The following AP1B1 variants were observed in gnomAD, a reference collection of about 807,000 sequenced individuals.
AP1B1 encodes adaptor related protein complex 1 subunit beta 1.
In AP1B1, 36 loss-of-function variants were observed where a neutral mutation model predicts 104.3. The observed-to-expected ratio is 0.35, with a 90% CI of 0.26 to 0.46. The LOEUF (loss-of-function observed/expected upper bound fraction) is 0.46, where lower values mean the gene tolerates loss of function less well. Among genes scored for constraint, AP1B1 ranks in the 20% least tolerant of loss-of-function variants. AP1B1 has a pLI of 1.00. For synonymous variants in AP1B1, 504 were observed against 517.5 expected (o/e 0.97, Z 0.35); for missense variants, 901 against 1,247.9 (o/e 0.72, Z 4.19).
At chr22:29,356,334 G>A in intron 6 of AP1B1, 92 bp downstream of exon 6, 1 of 1,315,848 alleles carries the variant, frequency 7.6e-7, no homozygotes, top group Non-Finnish European at 1.0e-6. Context: ...CTAGAAAGGG[G>A]CCCACTAAGG....
Position 29,362,992 on chromosome 22 carries a change from C to G in AP1B1, c.143+9G>C. ...GCTTCTAGCTGCCACCAGGCCTACT[C>G]CTGCACACCTGACATCTTTGCCCAC... On this transcript the variant is annotated intron_variant, in intron 3 of 22. Transcript: ENST00000357586. 2 of 1,611,796 alleles carry G rather than the reference C, an allele frequency of 1.2e-6. No individual in the cohort carries two copies. The highest frequency in any genetic ancestry group is 1.7e-6 in the Non-Finnish European group (2 of 1,177,848).
intron 1 of AP1B1, among the ~76,000 whole-genome samples, chr22:29,375,766 T>C (rs1371604830): frequency 6.6e-6 from 1 of 152,166 alleles, no homozygotes; most frequent in Non-Finnish European, 1.5e-5. Flanking sequence ...CAAAAGAATA[T>C]GATTAATCAA....
intron 1 of AP1B1, among the ~76,000 whole-genome samples, chr22:29,371,727 CAA>C (rs1003125288): frequency 7.4e-6 from 1 of 135,786 alleles, no homozygotes. Context: ...GACTCCGTCT[CAA>C]AAAAAAAAAG....
At chr22:29,332,960 T>C (rs1186993110) in intron 17 of AP1B1, among the ~76,000 whole-genome samples, 4 of 152,136 alleles carry the variant, frequency 2.6e-5, no homozygotes, top group African/African-American at 4.8e-5. Context: ...AGTGAGACAA[T>C]ACTCCCAAAG....
rs551912106 is a variant in AP1B1 at position 29,360,681 on chromosome 22, T to C, written c.144-722A>G. ...TTCAGAGAACACTGAGGTTCATAAA[T>C]GTCAAATAACCTGCCTGGAGGAATC... On this transcript the variant is annotated intron_variant, in intron 3 of 22. Transcript: ENST00000357586. 6.6e-5 allele frequency among the ~76,000 whole-genome samples: 10 copies of C among 152,314 alleles called. No homozygotes were observed. The South Asian group carries it at 1.9e-3, about 28-fold the overall frequency.
intron 1 of AP1B1, among the ~76,000 whole-genome samples, chr22:29,375,613 G>A (rs2062326871): frequency 1.3e-5 from 2 of 152,190 alleles, no homozygotes; most frequent in Admixed American, 1.3e-4. Context: ...AGACCAGACT[G>A]GGAACATAAG....
rs2061959732 is a variant in AP1B1, at chr22:29,356,456, T to C, written c.686A>G (p.Tyr229Cys). 6.2e-7 allele frequency: 1 copy of C among 1,614,058 alleles called. No individual in the cohort carries two copies. Among genetic ancestry groups the C allele is most frequent in the African/African-American group, 1.3e-5 (1 of 74,930 alleles). ...GGCCTCGCGGTCGTCCTTGGGCATA[T>C]AGTTGGCGAGGCAGTCCAGGATGAA... ...QIFILDCLAN[Y>C]MPKDDREAQS... The change falls in exon 6 of 23, where the codon TAT becomes TGT. Residue 229 changes from tyrosine to cysteine, a missense_variant. Tyr to Cys is a radical substitution (Grantham distance 194). Around this residue, in one of 3 missense-constraint regions of AP1B1, gnomAD observed 471 missense variants for 696.7 expected, o/e 0.68. Coordinates refer to ENST00000357586, the MANE Select transcript of AP1B1 (RefSeq NM_001127.4).
intron 7 of AP1B1, among the ~76,000 whole-genome samples, chr22:29,354,099 G>A (rs561229199): frequency 4.6e-5 from 7 of 152,336 alleles, no homozygotes; most frequent in African/African-American, 1.7e-4. Context: ...GGGCGGCACA[G>A]CATTTGGAGT....
At chr22:29,354,622 A>G (rs949267241) in intron 7 of AP1B1, 28 bp downstream of exon 7, 4 of 1,607,016 alleles carry the variant, frequency 2.5e-6, no homozygotes, top group East Asian at 2.2e-5. Flanking sequence ...AGGGGTACGC[A>G]TGGACGTGCG....
intron 17 of AP1B1, 34 bp downstream of exon 17, chr22:29,334,231 C>T: frequency 6.4e-7 from 1 of 1,553,170 alleles, no homozygotes; most frequent in Non-Finnish European, 8.7e-7. Flanking sequence ...CAGGCCTCCT[C>T]TTGAGAGGTG....
At chr22:29,351,561 C>T (rs775274666) in intron 8 of AP1B1, 144 bp downstream of exon 8, 99 of 1,133,598 alleles carry the variant, frequency 8.7e-5, no homozygotes, top group Admixed American at 1.1e-4. Context: ...TACTTGCTTA[C>T]GAAGCCCCAT....
intron 10 of AP1B1, 132 bp from the exon 11 acceptor site, chr22:29,349,515 G>A: frequency 1.1e-6 from 1 of 889,968 alleles, no homozygotes; most frequent in Non-Finnish European, 1.7e-6. Context: ...GGGGATCTGA[G>A]TTTTGTTTTT....
intron 4 of AP1B1, 43 bp from the exon 5 acceptor site, chr22:29,359,014 C>A: frequency 1.3e-6 from 2 of 1,553,704 alleles, no homozygotes; most frequent in Non-Finnish European, 1.7e-6. Flanking sequence ...GTGGGATGAG[C>A]CATCTGTGGC....
At chr22:29,349,512 TGA>T (rs2061841204) in intron 10 of AP1B1, 129 bp from the exon 11 acceptor site, 2 of 955,272 alleles carry the variant, frequency 2.1e-6, no homozygotes, top group South Asian at 3.4e-5. Context: ...AAAGGGGATC[TGA>T]GTTTTGTTTT....
chr22:29,339,847 G>A lies in AP1B1; in HGVS notation c.1999-73C>T. The A allele has an allele frequency of 2.1e-6, 3 of 1,462,858 alleles. No homozygotes were observed. In the South Asian group the frequency reaches 3.6e-5, roughly 18 times the overall value. The allele number at this position is 1,462,858 out of a possible 1,614,324, so 90.6% of individuals were successfully genotyped here. ...AGAGAAAAAGCCAGGAAGGAAGACA[G>A]AGAAACAAGAGAGAGAAGGGAAAGA... On this transcript the variant is annotated intron_variant, in intron 14 of 22. Transcript: ENST00000357586.
chr22:29,356,364 T>A, intron 6 of AP1B1, 62 bp downstream of exon 6: 1 of 1,519,348 alleles, frequency 6.6e-7, no homozygotes, highest in Middle Eastern at 2.1e-4. Flanking sequence ...CAGTGCCTGG[T>A]TGGAGCCCCT....
At chr22:29,385,251 T>C (rs2062503437) in intron 1 of AP1B1, among the ~76,000 whole-genome samples, 1 of 152,128 alleles carries the variant, frequency 6.6e-6, no homozygotes, top group Admixed American at 6.5e-5. Context: ...CCAGGCACAG[T>C]GGCACCCATC....
chr22:29,361,947 C>T (rs1602757213), intron 3 of AP1B1, among the ~76,000 whole-genome samples: 2 of 152,242 alleles, frequency 1.3e-5, no homozygotes, highest in Middle Eastern at 6.8e-3. Flanking sequence ...GTGCCCACCA[C>T]CACGCTTGGC....
At chr22:29,369,304 C>T (rs1482448763) in intron 1 of AP1B1, among the ~76,000 whole-genome samples, 2 of 152,082 alleles carry the variant, frequency 1.3e-5, no homozygotes, top group African/African-American at 2.4e-5. Context: ...GCCTCCCAAC[C>T]GAGAGACACC....
Sources: allele counts gnomAD v4.1 joint callset (sites outside exome capture counted in the v4.1 genomes callset), GRCh38; gene constraint gnomAD v4.1.1; regional missense constraint gnomAD v4.1.1; transcripts MANE v1.5; gene names NCBI Gene and HGNC (gene_info 2026-07-23, HGNC 2026-07-21).